Variants in FAT2 observed in about 807,000 individuals in gnomAD.
FAT2 encodes FAT atypical cadherin 2.
FAT2 carries 150 observed loss-of-function variants against 295.3 expected under a neutral mutation model. The observed-to-expected ratio is 0.51, with a 90% CI of 0.44 to 0.58. The LOEUF is 0.58. Ranked by LOEUF, FAT2 falls within the 20% of genes least tolerant of loss-of-function variation. The pLI is 0.00. For synonymous variants in FAT2, 2,026 were observed against 2,150.3 expected, an observed-to-expected ratio of 0.94 and a Z score of 1.60; for missense variants, 4,868 against 5,442.7, an observed-to-expected ratio of 0.89 and a Z score of 3.32.
Position 151,546,152 on chromosome 5 carries a change from T to G in FAT2, c.4975A>C (p.Ile1659Leu). ...ACAAAGTACTCAGATTTTGAAAAGA[T>G]GGGGGCACTCCTATCTGAGGGATAG... ...HVYPSDRSAP[I>L]FSKSEYFVEI... Residue 1659 changes from isoleucine (I) to leucine (L), a missense_variant, in exon 10 of 24, where the codon ATC (isoleucine) becomes CTC (leucine). This residue lies in a region of FAT2 where 3,297 missense variants were observed against 3,669.4 expected (regional missense o/e 0.90). Transcript: ENST00000261800. 4 of 1,614,096 alleles carry G rather than the reference T, an allele frequency of 2.5e-6. No homozygotes were observed. Among genetic ancestry groups the G allele is most frequent in the Non-Finnish European group, 3.4e-6 (4 of 1,180,008 alleles).
chr5:151,565,647 A>ACGGCCCCCCCC, intron 2 of FAT2, 26 bp downstream of exon 2: 21 of 1,461,022 alleles, frequency 1.4e-5, no homozygotes, highest in African/African-American at 2.8e-5. Context: ...TGGCCCTGGC[A>ACGGCCCCCCCC]CCCCACCCTA....
At position 151,528,084 on chromosome 5, in the gene FAT2, C is replaced by T. The variant is rs867061173; in HGVS notation, c.10076G>A (p.Ser3359Asn). The T allele has an allele frequency of 6.2e-7, 1 of 1,614,222 alleles. No homozygotes were observed. Among genetic ancestry groups the T allele is most frequent in the South Asian group, 1.1e-5 (1 of 91,088 alleles). Residue 3359 changes from serine (S) to asparagine (N), a missense_variant, in exon 16 of 24, where the codon AGC becomes AAC. Physicochemically the swap from Ser to Asn is conservative, Grantham distance 46. Around this residue, in one of 5 missense-constraint regions of FAT2, gnomAD observed 1,046 missense variants for 1,210.1 expected, o/e 0.86. Transcript: ENST00000261800. ...CCCAAGCTGGTTCCCTCCTATGAGGCTATAGGTAATGTCACTATTTAGGGG... is the reference window on the plus strand; with the variant it reads ...CCCAAGCTGGTTCCCTCCTATGAGGTTATAGGTAATGTCACTATTTAGGGG... ...DGPLNSDITY[S>N]LIGGNQLGHF...
chr5:151,530,314 T>C (rs975069913), intron 14 of FAT2, among the ~76,000 whole-genome samples: 1 of 150,618 alleles, frequency 6.6e-6, no homozygotes, highest in Non-Finnish European at 1.5e-5. Context: ...CAGCATAGCA[T>C]CATCTGTGAG....
At chr5:151,533,000 G>A (rs559292833) in intron 13 of FAT2, among the ~76,000 whole-genome samples, 100 of 152,286 alleles carry the variant, frequency 6.6e-4, no homozygotes, top group African/African-American at 2.3e-3. Flanking sequence ...AGAGATGCTG[G>A]TCAAACCACA....
At chr5:151,532,423 A>ATGAG (rs1322836608) in intron 13 of FAT2, among the ~76,000 whole-genome samples, 1 of 151,852 alleles carries the variant, frequency 6.6e-6, no homozygotes, top group African/African-American at 2.4e-5. Context: ...ACACACGCAA[A>ATGAG]TGAGTGCATA....
At chr5:151,507,689 T>C (rs73798918) in intron 22 of FAT2, 78 bp from the exon 23 acceptor site, 2 of 1,315,584 alleles carry the variant, frequency 1.5e-6, no homozygotes, top group East Asian at 2.5e-5. Context: ...ATCTATGGGA[T>C]AGAGACTGCT....
rs745647805 is a variant in FAT2 at position 151,550,742 on chromosome 5, C to T, written c.4426G>A (p.Asp1476Asn). Residue 1476 changes from aspartate (D) to asparagine (N), a missense_variant, in exon 8 of 24, where the codon GAC becomes AAC. Asp to Asn is a conservative substitution (Grantham distance 23, BLOSUM62 1). Transcript: ENST00000261800. ...ELLRVQAIDQ[D>N]KGKSLIYTIH... is the part of the protein sequence containing the mutation. The stretch of plus-strand genomic sequence containing the variant: ...GTATAGATGAGGCTTTTGCCCTTGT[C>T]TTGATCTATGGCCTGGACTCGCAGG... The T allele has an allele frequency of 3.1e-6, 5 of 1,614,038 alleles. No homozygotes were observed. The highest frequency in any genetic ancestry group is 1.3e-5 in the African/African-American group (1 of 74,906).
chr5:151,588,521 A>C (rs2127665404), intron 1 of FAT2, among the ~76,000 whole-genome samples: 1 of 152,298 alleles, frequency 6.6e-6, no homozygotes, highest in East Asian at 1.9e-4. Flanking sequence ...GCTAATACTT[A>C]GTCCTCCAGT....
chr5:151,525,088 G>C (rs1753848989), intron 18 of FAT2, among the ~76,000 whole-genome samples: 1 of 152,198 alleles, frequency 6.6e-6, no homozygotes, highest in African/African-American at 2.4e-5. Context: ...GCATGTAGTA[G>C]ATGCTCAATA....
intron 1 of FAT2, among the ~76,000 whole-genome samples, chr5:151,585,120 T>C (rs1759119674): frequency 6.6e-6 from 1 of 152,186 alleles, no homozygotes; most frequent in Non-Finnish European, 1.5e-5. Context: ...TAATTGGAGT[T>C]CTCCTAACAA....
chr5:151,517,817 C>T (rs747730985), intron 19 of FAT2, 52 bp from the exon 20 acceptor site: 1 of 1,598,774 alleles, frequency 6.3e-7, no homozygotes, highest in Non-Finnish European at 8.6e-7. Flanking sequence ...CCCCATTGAG[C>T]CCTTGGACTG....
chr5:151,512,839 C>G lies in FAT2; in HGVS notation c.11464-233G>C, dbSNP rs76034849. 1 of 555,738 alleles carries G rather than the reference C, an allele frequency of 1.8e-6. No individual in the cohort carries two copies. The highest frequency in any genetic ancestry group is 3.2e-6 in the Non-Finnish European group (1 of 311,388). 34.4% of individuals were successfully genotyped at this position (555,738 alleles called of 1,614,324 possible). ...ATGGTCTGGGTAGGGGGTGACATCTCCATTCACAGATGAGGAAACTGAGGC... is the reference window on the plus strand; with the variant it reads ...ATGGTCTGGGTAGGGGGTGACATCTGCATTCACAGATGAGGAAACTGAGGC... On this transcript the variant is annotated intron_variant, in intron 20 of 23. Transcript: ENST00000261800. This position sits in a 1 kb window ranked among gnomAD's most constrained non-coding sequence, Gnocchi z 4.1.
chr5:151,533,549 C>T (rs990833754), intron 13 of FAT2, among the ~76,000 whole-genome samples: 1 of 152,066 alleles, frequency 6.6e-6, no homozygotes, highest in East Asian at 1.9e-4. Flanking sequence ...CTCACTTTCT[C>T]TAGGAAATCT....
rs528697336 is a variant in FAT2, at chr5:151,534,859, A to G, written c.9194-217T>C. ...CACACTTCATCACATTGCCAGTTTA[A>G]GATCATCATCAACAAGCTAAAAATA... On this transcript the variant is annotated intron_variant, in intron 12 of 23. Coordinates refer to ENST00000261800, the MANE Select transcript of FAT2 (RefSeq NM_001447.3). Among the ~76,000 whole-genome samples the G allele has an allele frequency of 3.5e-3, 532 of 151,812 alleles. 4 individuals carry two copies. The highest frequency in any genetic ancestry group is 0.012 in the African/African-American group (492 of 41,412).
chr5:151,540,988 G>A (rs1298476400), intron 10 of FAT2, among the ~76,000 whole-genome samples: 2 of 152,224 alleles, frequency 1.3e-5, no homozygotes, highest in African/African-American at 4.8e-5. Flanking sequence ...AATGCAAGAA[G>A]CATCACTTCA....
At chr5:151,534,352 T>C in intron 13 of FAT2, 57 bp downstream of exon 13, 2 of 1,423,868 alleles carry the variant, frequency 1.4e-6, no homozygotes, top group East Asian at 4.9e-5. Context: ...GACCAAACCC[T>C]TGCCCAAGGT....
chr5:151,518,371 A>ATTATTATTATTATTATTATT (rs58882221), intron 19 of FAT2, among the ~76,000 whole-genome samples: 1 of 131,134 alleles, frequency 7.6e-6, no homozygotes, highest in Non-Finnish European at 1.6e-5. Context: ...TAATAATAAT[A>ATTATTATTATTATTATTATT]ATAATTTTTA....
intron 18 of FAT2, among the ~76,000 whole-genome samples, chr5:151,522,867 G>A (rs1753621273): frequency 6.6e-6 from 1 of 152,202 alleles, no homozygotes; most frequent in Non-Finnish European, 1.5e-5. Context: ...TGATGGGCTG[G>A]CACGCGCAGG....
rs758231327 is a variant in FAT2 at position 151,543,245 on chromosome 5, C to A, written c.7882G>T (p.Asp2628Tyr). The A allele has an allele frequency of 1.2e-6, 2 of 1,614,058 alleles. No individual in the cohort carries two copies. Among genetic ancestry groups the A allele is most frequent in the Admixed American group, 1.7e-5 (1 of 60,002 alleles). The change falls in exon 10 of 24, where the codon GAC becomes TAC. Residue 2628 changes from aspartate (D) to tyrosine (Y), a missense_variant. This residue lies in a region of FAT2 where 3,297 missense variants were observed against 3,669.4 expected (regional missense o/e 0.90). Transcript: ENST00000261800. ...ADVTYSVNPE[D>Y]LVKDVIEINP... ...ATTTCAATGACATCTTTAACTAGGT[C>A]CTCTGGGTTCACTGAGTAGGTGACA...
Sources: allele counts gnomAD v4.1 joint callset (sites outside exome capture counted in the v4.1 genomes callset), GRCh38; gene constraint gnomAD v4.1.1; regional missense constraint gnomAD v4.1.1; non-coding constraint Gnocchi (gnomAD v3.1); transcripts MANE v1.5; gene names NCBI Gene and HGNC (gene_info 2026-07-23, HGNC 2026-07-21).